The following DAP variants were observed in gnomAD, a reference collection of about 807,000 sequenced individuals.
The protein encoded by DAP is death associated protein.
A neutral mutation model predicts 13.8 loss-of-function variants in DAP; 8 were observed. That is an observed-to-expected ratio of 0.58 (90% confidence interval 0.34 to 1.05). The LOEUF is 1.05. Ranked by LOEUF, DAP falls within the 50% of genes least tolerant of loss-of-function variation. The probability of loss-of-function intolerance (pLI) is 0.03; values close to 1 mark genes in which losing one functional copy is unlikely to be tolerated. For missense variants in DAP, 106 were observed against 133.2 expected, an observed-to-expected ratio of 0.80 and a Z score of 1.01; for synonymous variants, 47 against 47.5, an observed-to-expected ratio of 0.99 and a Z score of 0.04.
intron 2 of DAP, among the ~76,000 whole-genome samples, chr5:10,728,409 T>C (rs1739345758): frequency 6.6e-6 from 1 of 152,170 alleles, no homozygotes; most frequent in Non-Finnish European, 1.5e-5. Context: ...AGATTTAGAC[T>C]GAGCCCAAAG....
intron 1 of DAP, among the ~76,000 whole-genome samples, chr5:10,759,238 C>T (rs1024310263): frequency 1.3e-5 from 2 of 152,202 alleles, no homozygotes; most frequent in South Asian, 2.1e-4. Flanking sequence ...AATTTAATTA[C>T]TGTACTTTGG....
chr5:10,715,011 T>C (rs1346099223), intron 2 of DAP, among the ~76,000 whole-genome samples: 3 of 152,188 alleles, frequency 2.0e-5, no homozygotes, highest in Non-Finnish European at 4.4e-5. Context: ...CCCAGGTATT[T>C]GCACTGCTAT....
Position 10,707,052 on chromosome 5 carries a change from C to T in DAP, c.153-23481G>A, listed in dbSNP as rs1462053229. Among the ~76,000 whole-genome samples, 1 of 152,096 alleles carries T rather than the reference C, an allele frequency of 6.6e-6. No individual in the cohort carries two copies. Among genetic ancestry groups the T allele is most frequent in the East Asian group, 1.9e-4 (1 of 5,186 alleles). On this transcript the variant is annotated intron_variant, in intron 2 of 3. Transcript: ENST00000230895. The surrounding 1 kb of genome is among the most constrained non-coding windows in gnomAD (Gnocchi z 4.0). ...CATGGAGAAGTCAGAGGGGACTGGC[C>T]TTAAAAAAAGCCATGGGTCTGTCCC...
At chr5:10,690,457 A>T (rs1438917667) in intron 2 of DAP, among the ~76,000 whole-genome samples, 2 of 152,182 alleles carry the variant, frequency 1.3e-5, no homozygotes, top group Non-Finnish European at 2.9e-5. Flanking sequence ...GTCTGTCCCC[A>T]TTAAACACTA....
At chr5:10,742,397 G>C (rs945504413) in intron 2 of DAP, among the ~76,000 whole-genome samples, 9 of 152,206 alleles carry the variant, frequency 5.9e-5, no homozygotes, top group African/African-American at 2.2e-4. Context: ...CGTGGTGGCA[G>C]GTGCCTGTAA....
intron 2 of DAP, among the ~76,000 whole-genome samples, chr5:10,726,267 A>G (rs1169021325): frequency 6.6e-6 from 1 of 152,260 alleles, no homozygotes; most frequent in Non-Finnish European, 1.5e-5. Context: ...TAAACTGTTC[A>G]TGAACCATTT....
intron 1 of DAP, among the ~76,000 whole-genome samples, chr5:10,749,743 CT>C (rs34643253): frequency 1.1e-3 from 125 of 118,624 alleles, no homozygotes; most frequent in African/African-American, 1.9e-3. Flanking sequence ...GACCACACAA[CT>C]TTTTTTTTTT....
chr5:10,702,485 G>A (rs553112834), intron 2 of DAP, among the ~76,000 whole-genome samples: 1 of 152,284 alleles, frequency 6.6e-6, no homozygotes, highest in Non-Finnish European at 1.5e-5. Context: ...AAGCAAATGG[G>A]CCCTTCCTCC....
At chr5:10,727,285 A>C (rs2126663533) in intron 2 of DAP, among the ~76,000 whole-genome samples, 1 of 152,218 alleles carries the variant, frequency 6.6e-6, no homozygotes, top group South Asian at 2.1e-4. Context: ...TAGTCTGAGA[A>C]CCACCCACAA....
At chr5:10,720,269 T>G (rs1401173878) in intron 2 of DAP, among the ~76,000 whole-genome samples, 1 of 152,200 alleles carries the variant, frequency 6.6e-6, no homozygotes, top group Non-Finnish European at 1.5e-5. Flanking sequence ...TTACATCACT[T>G]CCATTTGATG....
chr5:10,742,806 C>T (rs1739792868), intron 2 of DAP, among the ~76,000 whole-genome samples: 1 of 152,144 alleles, frequency 6.6e-6, no homozygotes, highest in African/African-American at 2.4e-5. Flanking sequence ...ATGCTTATGG[C>T]TGCATGGGCG....
At chr5:10,715,700 CAG>C (rs762194155) in intron 2 of DAP, among the ~76,000 whole-genome samples, 11 of 152,302 alleles carry the variant, frequency 7.2e-5, no homozygotes, top group South Asian at 2.1e-4. Flanking sequence ...TCAAGGAAAA[CAG>C]GGGTGAGTCT....
intron 2 of DAP, among the ~76,000 whole-genome samples, chr5:10,689,580 A>G (rs901782183): frequency 1.2e-4 from 18 of 152,358 alleles, no homozygotes; most frequent in African/African-American, 4.1e-4. Context: ...GAGGATGTCA[A>G]TGAAAATCAT....
At chr5:10,725,804 T>C (rs1343754395) in intron 2 of DAP, among the ~76,000 whole-genome samples, 1 of 152,214 alleles carries the variant, frequency 6.6e-6, no homozygotes, top group Non-Finnish European at 1.5e-5. Flanking sequence ...TGGATTCACA[T>C]CTTATTTGTC....
intron 2 of DAP, among the ~76,000 whole-genome samples, chr5:10,719,556 A>G (rs1739083651): frequency 2.0e-5 from 3 of 152,208 alleles, no homozygotes. Flanking sequence ...GAAACTGAAC[A>G]TTTGACTATG....
chr5:10,694,167 C>T (rs1384449216), intron 2 of DAP, among the ~76,000 whole-genome samples: 2 of 152,016 alleles, frequency 1.3e-5, no homozygotes, highest in Admixed American at 6.6e-5. Flanking sequence ...TCGAGGCAGC[C>T]GACAGGGCCA....
In DAP at chr5:10,723,937, T is replaced by C. The variant is rs3797132; in HGVS notation, c.152+24238A>G. 4.6e-4 allele frequency among the ~76,000 whole-genome samples: 70 copies of C among 152,328 alleles called. 2 individuals carry two copies. The East Asian group carries it at 6.7e-3, about 15-fold the overall frequency. Reference sequence around the variant, plus strand: ...TCCAAGTGTACTTGCGGGTGTCTATTTGGAAGATTATTGAAGTAAATGCCA... The same window carrying C: ...TCCAAGTGTACTTGCGGGTGTCTATCTGGAAGATTATTGAAGTAAATGCCA... On this transcript the variant is annotated intron_variant, in intron 2 of 3. Transcript: ENST00000230895.
At chr5:10,749,718 C>A (rs1444110307) in intron 1 of DAP, among the ~76,000 whole-genome samples, 4 of 150,896 alleles carry the variant, frequency 2.7e-5, no homozygotes, top group Non-Finnish European at 1.5e-5. Flanking sequence ...CTTGCCAGCT[C>A]TCCCCAGCCT....
At chr5:10,730,108 C>T (rs1242413319) in intron 2 of DAP, among the ~76,000 whole-genome samples, 1 of 152,250 alleles carries the variant, frequency 6.6e-6, no homozygotes, top group Admixed American at 6.5e-5. Context: ...ATTGCTAAGT[C>T]TACTTGCCAC....
Sources: allele counts gnomAD v4.1 joint callset (sites outside exome capture counted in the v4.1 genomes callset), GRCh38; gene constraint gnomAD v4.1.1; non-coding constraint Gnocchi (gnomAD v3.1); transcripts MANE v1.5; gene names NCBI Gene and HGNC (gene_info 2026-07-23, HGNC 2026-07-21).